The following SATB2 variants were observed in gnomAD, a reference collection of about 807,000 sequenced individuals.
The protein encoded by SATB2 is SATB homeobox 2.
Under a neutral mutation model 73.4 loss-of-function variants are expected in SATB2, and 1 was observed. The ratio of observed to expected loss-of-function variants is 0.01; its 90% CI spans 0.00 to 0.06. The LOEUF (loss-of-function observed/expected upper bound fraction) is 0.06, where lower values mean the gene tolerates loss of function less well. SATB2 is among the 10% of genes least tolerant of loss of function. The pLI is 1.00. For synonymous variants in SATB2, 397 were observed against 367.0 expected (o/e 1.08, Z -0.93); for missense variants, 459 against 945.8 (o/e 0.49, Z 6.75).
Position 199,390,501 on chromosome 2 carries a change from G to A in SATB2, c.347-8681C>T, listed in dbSNP as rs1055530047. Among the ~76,000 whole-genome samples, 6 of 151,906 alleles carry A rather than the reference G, an allele frequency of 3.9e-5. No individual in the cohort carries two copies. In the South Asian group the frequency reaches 6.2e-4, roughly 16 times the overall value. On this transcript the variant is annotated intron_variant, in intron 3 of 10. Transcript: ENST00000417098. ...GCTTCTTTTTTCCTCCTTTCTATTC[G>A]GAAATACATTTGCATAAAGAGATTT...
At chr2:199,363,333 G>A (rs1362068569) in intron 6 of SATB2, among the ~76,000 whole-genome samples, 2 of 152,286 alleles carry the variant, frequency 1.3e-5, no homozygotes, top group Admixed American at 6.5e-5. Flanking sequence ...CTATGAATCC[G>A]ATATTTGTGA....
At chr2:199,437,117 C>T (rs1480646311) in intron 2 of SATB2, among the ~76,000 whole-genome samples, 4 of 151,934 alleles carry the variant, frequency 2.6e-5, no homozygotes, top group Non-Finnish European at 5.9e-5. Context: ...ATATCTTGAG[C>T]TTCCAATATT....
intron 9 of SATB2, among the ~76,000 whole-genome samples, chr2:199,319,723 A>G (rs1687832952): frequency 6.6e-6 from 1 of 152,036 alleles, no homozygotes; most frequent in African/African-American, 2.4e-5. Flanking sequence ...CTTCGGGTAT[A>G]CAAATAATAA....
chr2:199,455,719 A>T lies in SATB2; in HGVS notation c.169+150T>A. ...AACTGGAGATGAAGCTACCAGTTGC[A>T]GATGAGAGGCGACGGGGGCATTATT... On this transcript the variant is annotated intron_variant, in intron 2 of 10. Transcript: ENST00000417098. The surrounding 1 kb of genome is among the most constrained non-coding windows in gnomAD (Gnocchi z 4.1). 1 of 849,088 alleles carries T rather than the reference A, an allele frequency of 1.2e-6. No homozygotes were observed. The highest frequency in any genetic ancestry group is 1.8e-6 in the Non-Finnish European group (1 of 544,298). 52.6% of individuals were successfully genotyped at this position (849,088 alleles called of 1,614,324 possible).
intron 10 of SATB2, among the ~76,000 whole-genome samples, chr2:199,295,424 A>G (rs952322378): frequency 6.6e-6 from 1 of 152,162 alleles, no homozygotes; most frequent in Non-Finnish European, 1.5e-5. Flanking sequence ...TCTAAAGAAA[A>G]AAAAAAAGCC....
chr2:199,410,567 T>C (rs1690781759), intron 3 of SATB2, among the ~76,000 whole-genome samples: 1 of 152,246 alleles, frequency 6.6e-6, no homozygotes, highest in Admixed American at 6.5e-5. Flanking sequence ...ATGCTGGCAA[T>C]TAATGTCTTT....
rs1288509913 is a variant in SATB2 at position 199,463,492 on chromosome 2, T to C, written c.-141+1344A>G. Among the ~76,000 whole-genome samples the C allele has an allele frequency of 1.3e-5, 2 of 152,050 alleles. No homozygotes were observed. Among genetic ancestry groups the C allele is most frequent in the East Asian group, 3.9e-4 (2 of 5,128 alleles). The stretch of plus-strand genomic sequence containing the variant: ...AGAGCCCCGAGGCCTCGGCTTGGCG[T>C]CAATGTCCCGCCACCCTCGAGCCCG... On this transcript the variant is annotated intron_variant, in intron 1 of 11. Coordinates refer to the SATB2 transcript ENST00000260926. The surrounding 1 kb of genome is among the most constrained non-coding windows in gnomAD (Gnocchi z 6.4).
At chr2:199,458,728 G>GA (rs970893487), upstream of SATB2, 3 of 430,394 alleles carry the variant, frequency 7.0e-6, no homozygotes, top group African/African-American at 2.2e-5. Context: ...TTCGACTTTG[G>GA]AGATAGGAGG....
At chr2:199,375,402 C>A (rs930534149) in intron 5 of SATB2, among the ~76,000 whole-genome samples, 1 of 152,188 alleles carries the variant, frequency 6.6e-6, no homozygotes, top group African/African-American at 2.4e-5. Flanking sequence ...CGCAGACACA[C>A]AACCACAATC....
chr2:199,312,854 G>A (rs950758615), intron 9 of SATB2, among the ~76,000 whole-genome samples: 4 of 152,112 alleles, frequency 2.6e-5, no homozygotes, highest in Admixed American at 6.5e-5. Context: ...AACCTCAGTC[G>A]AAACATGAGA....
At chr2:199,315,650 T>C (rs1337805112) in intron 9 of SATB2, among the ~76,000 whole-genome samples, 1 of 152,114 alleles carries the variant, frequency 6.6e-6, no homozygotes, top group Non-Finnish European at 1.5e-5. Context: ...TCTAGGTTTA[T>C]GACTAATTTT....
rs1692534407 is a variant in SATB2 at position 199,463,835 on chromosome 2, A to C, written c.-141+1001T>G. ...GCACCCGGTCCGCACCCCAAATTTCAGGCAGGCCAGCAGGCGTCCAGAAAT... is the reference window on the plus strand; with the variant it reads ...GCACCCGGTCCGCACCCCAAATTTCCGGCAGGCCAGCAGGCGTCCAGAAAT... On this transcript the variant is annotated intron_variant, in intron 1 of 11. Transcript: ENST00000260926. The surrounding 1 kb of genome is among the most constrained non-coding windows in gnomAD (Gnocchi z 6.4). Among the ~76,000 whole-genome samples, 1 of 152,206 alleles carries C rather than the reference A, an allele frequency of 6.6e-6. No homozygotes were observed. The highest frequency in any genetic ancestry group is 1.5e-5 in the Non-Finnish European group (1 of 68,040).
At chr2:199,435,817 C>T (rs1405803898) in intron 2 of SATB2, among the ~76,000 whole-genome samples, 1 of 152,178 alleles carries the variant, frequency 6.6e-6, no homozygotes, top group East Asian at 1.9e-4. Context: ...AGCATAATGG[C>T]ATTTTATAGG....
At chr2:199,305,630 TAAG>T (rs1459163207) in intron 10 of SATB2, among the ~76,000 whole-genome samples, 4 of 152,122 alleles carry the variant, frequency 2.6e-5, no homozygotes, top group Non-Finnish European at 5.9e-5. Flanking sequence ...CCTCTCTTCT[TAAG>T]AAGAGAGGCT....
At chr2:199,275,702 T>A (rs939182156) in intron 10 of SATB2, among the ~76,000 whole-genome samples, 1 of 152,170 alleles carries the variant, frequency 6.6e-6, no homozygotes, top group African/African-American at 2.4e-5. Flanking sequence ...AAATATATAG[T>A]TTCTGGTCAG....
At chr2:199,274,427 A>G (rs1048772418) in intron 10 of SATB2, among the ~76,000 whole-genome samples, 2 of 152,212 alleles carry the variant, frequency 1.3e-5, no homozygotes, top group African/African-American at 4.8e-5. Flanking sequence ...TTTCCCACCA[A>G]TGTGAAACTG....
intron 6 of SATB2, among the ~76,000 whole-genome samples, chr2:199,349,594 C>T (rs1395793575): frequency 6.6e-6 from 1 of 152,106 alleles, no homozygotes; most frequent in African/African-American, 2.4e-5. Flanking sequence ...ACATCTCCTG[C>T]CAAATTAAGT....
chr2:199,415,083 C>T (rs992884397), intron 3 of SATB2, among the ~76,000 whole-genome samples: 2 of 152,158 alleles, frequency 1.3e-5, no homozygotes, highest in Non-Finnish European at 2.9e-5. Context: ...TTAAATACAA[C>T]CTAAAACACA....
intron 2 of SATB2, among the ~76,000 whole-genome samples, chr2:199,452,536 TA>T (rs1286395632): frequency 1.3e-5 from 2 of 152,196 alleles, no homozygotes; most frequent in Non-Finnish European, 1.5e-5. Context: ...CTTCTTTTCC[TA>T]AATCTTCAAA....
Sources: gnomAD v4.1 joint callset for allele counts (sites outside exome capture counted in the v4.1 genomes callset) on GRCh38, gnomAD v4.1.1 for gene constraint, Gnocchi (gnomAD v3.1) non-coding constraint, MANE v1.5 for transcripts, NCBI Gene and HGNC (gene_info 2026-07-23, HGNC 2026-07-21) for gene names.